The following RIMS2 variants were observed in gnomAD, a reference collection of about 807,000 sequenced individuals.
The protein encoded by RIMS2 is regulating synaptic membrane exocytosis protein 2.
RIMS2 carries 59 observed loss-of-function variants against 174.4 expected under a neutral mutation model. The ratio of observed to expected loss-of-function variants is 0.34; its 90% CI spans 0.27 to 0.42. The LOEUF (loss-of-function observed/expected upper bound fraction) is 0.42. Ranked by LOEUF, RIMS2 falls within the 10% of genes least tolerant of loss-of-function variation. The probability of loss-of-function intolerance (pLI) is 1.00; values close to 1 mark genes in which losing one functional copy is unlikely to be tolerated. For synonymous variants in RIMS2, 606 were observed against 572.5 expected, an observed-to-expected ratio of 1.06 and a Z score of -0.84; for missense variants, 1,620 against 1,666.3, an observed-to-expected ratio of 0.97 and a Z score of 0.48.
At chr8:103,669,085 A>G (rs537409902) in intron 1 of RIMS2, among the ~76,000 whole-genome samples, 1 of 152,180 alleles carries the variant, frequency 6.6e-6, no homozygotes, top group African/African-American at 2.4e-5. Flanking sequence ...GGTTTAATGG[A>G]CTCATAGTTT....
At chr8:103,704,314 G>A (rs1279695715) in intron 2 of RIMS2, among the ~76,000 whole-genome samples, 2 of 151,656 alleles carry the variant, frequency 1.3e-5, no homozygotes, top group African/African-American at 2.4e-5. Flanking sequence ...TTCCTGGGAT[G>A]ATTGTGGTGA....
rs529659256 is a variant in RIMS2 at position 104,143,713 on chromosome 8, G to A, written c.3335-101203G>A. The stretch of plus-strand genomic sequence containing the variant: ...GATGTTATGAATAGTTTCACTCCTG[G>A]AACTATCCCTGTCTACTTTCTATCC... On this transcript the variant is annotated intron_variant, in intron 19 of 23. Coordinates refer to ENST00000504942, the Ensembl canonical transcript of RIMS2. Among the ~76,000 whole-genome samples the A allele has an allele frequency of 1.3e-5, 2 of 152,200 alleles. 1 individual carries two copies. Among genetic ancestry groups the A allele is most frequent in the South Asian group, 4.1e-4 (2 of 4,824 alleles).
intron 1 of RIMS2, among the ~76,000 whole-genome samples, chr8:103,694,332 A>C (rs1013299042): frequency 6.6e-6 from 1 of 152,064 alleles, no homozygotes; most frequent in Non-Finnish European, 1.5e-5. Flanking sequence ...CTAGGGCTAC[A>C]GGGGCTGGTC....
At chr8:103,946,718 TC>T (rs1353897653) in intron 14 of RIMS2, among the ~76,000 whole-genome samples, 1 of 152,114 alleles carries the variant, frequency 6.6e-6, no homozygotes, top group East Asian at 1.9e-4. Flanking sequence ...TAAACCCAAT[TC>T]CTATCAAAAT....
intron 2 of RIMS2, among the ~76,000 whole-genome samples, chr8:103,703,214 TC>T (rs1446321723): frequency 6.6e-6 from 1 of 151,828 alleles, no homozygotes; most frequent in Non-Finnish European, 1.5e-5. Flanking sequence ...CTCTCACACT[TC>T]CGTCATTGTT....
intron 1 of RIMS2, among the ~76,000 whole-genome samples, chr8:103,565,520 G>T (rs1414748329): frequency 2.0e-5 from 3 of 152,040 alleles, no homozygotes; most frequent in African/African-American, 7.2e-5. Flanking sequence ...TGCCCAGGCT[G>T]GTCTCGAATA....
At chr8:103,847,114 C>T (rs1271937049) in intron 3 of RIMS2, among the ~76,000 whole-genome samples, 1 of 151,802 alleles carries the variant, frequency 6.6e-6, no homozygotes, top group Non-Finnish European at 1.5e-5. Context: ...TTTATGTGTC[C>T]CCTGTTGAAG....
chr8:104,094,864 T>C (rs2097729286), intron 19 of RIMS2: 5 of 552,250 alleles, frequency 9.1e-6, no homozygotes, highest in Non-Finnish European at 1.6e-5. Context: ...TACTAATTAA[T>C]ATGTTGGCAA....
chr8:103,964,037 G>A lies in RIMS2; in HGVS notation c.2770+2904G>A, dbSNP rs189788335. Among the ~76,000 whole-genome samples, 26 of 152,198 alleles carry A rather than the reference G, an allele frequency of 1.7e-4. 1 individual carries two copies. In the East Asian group the frequency reaches 4.8e-3, roughly 28 times the overall value. On this transcript the variant is annotated intron_variant, in intron 15 of 23. Coordinates refer to ENST00000504942, the Ensembl canonical transcript of RIMS2. Reference sequence around the variant, plus strand: ...TTTTAGTGCTGAATAATATTCCATTGTCTGGATATACCACAGTTTGTTTAT... The same window carrying A: ...TTTTAGTGCTGAATAATATTCCATTATCTGGATATACCACAGTTTGTTTAT...
At chr8:104,047,085 T>C (rs1430613180) in intron 19 of RIMS2, among the ~76,000 whole-genome samples, 1 of 151,954 alleles carries the variant, frequency 6.6e-6, no homozygotes, top group African/African-American at 2.4e-5. Context: ...AGAAAAGAGT[T>C]AAAGCTCTTG....
chr8:103,661,921 A>G (rs551875320), intron 1 of RIMS2, among the ~76,000 whole-genome samples: 51 of 152,160 alleles, frequency 3.4e-4, no homozygotes, highest in Non-Finnish European at 7.4e-4. Context: ...CAATTTTGAA[A>G]TTTCACTTGT....
chr8:104,190,310 A>G (rs1371631452), intron 19 of RIMS2, among the ~76,000 whole-genome samples: 1 of 151,982 alleles, frequency 6.6e-6, no homozygotes, highest in African/African-American at 2.4e-5. Context: ...TAAAAAATAT[A>G]AACTAATTAA....
chr8:103,608,623 C>T (rs2095242681), intron 1 of RIMS2, among the ~76,000 whole-genome samples: 1 of 150,830 alleles, frequency 6.6e-6, no homozygotes, highest in Non-Finnish European at 1.5e-5. Flanking sequence ...TCTCAGACTG[C>T]TGTGCTAGCA....
chr8:103,771,414 T>C (rs2098252279), intron 3 of RIMS2, among the ~76,000 whole-genome samples: 1 of 152,180 alleles, frequency 6.6e-6, no homozygotes, highest in South Asian at 2.1e-4. Flanking sequence ...ATTTTCATAG[T>C]TGCAAATTAG....
At position 103,670,673 on chromosome 8, in the gene RIMS2, A is replaced by C. The variant is rs144620541; in HGVS notation, c.177-26413A>C. ...ATGTTGCCAGTCTCTTTGCTAAAAA[A>C]TAACAAGAGTCAGCTTTGCTCCACT... On this transcript the variant is annotated intron_variant, in intron 1 of 23. Transcript: ENST00000504942. Among the ~76,000 whole-genome samples the C allele has an allele frequency of 2.8e-4, 43 of 152,330 alleles. 2 individuals are homozygous for C. In the East Asian group the frequency reaches 7.3e-3, roughly 26 times the overall value.
At chr8:103,927,119 C>T (rs55726655) in intron 10 of RIMS2, among the ~76,000 whole-genome samples, 19,145 of 151,082 alleles carry the variant, frequency 0.13, 1,683 homozygotes, top group Non-Finnish European at 0.19. Flanking sequence ...AAAAGTATAA[C>T]GAACTGTATA....
chr8:103,580,074 G>T (rs2093515233), intron 1 of RIMS2, among the ~76,000 whole-genome samples: 1 of 152,060 alleles, frequency 6.6e-6, no homozygotes, highest in South Asian at 2.1e-4. Context: ...AGATTTGGGT[G>T]GGGACACAGA....
chr8:104,195,034 A>C (rs527797852), intron 19 of RIMS2, among the ~76,000 whole-genome samples: 11 of 152,334 alleles, frequency 7.2e-5, no homozygotes, highest in Non-Finnish European at 1.3e-4. Context: ...AAGCTTTTTA[A>C]GCAAAACAGT....
intron 19 of RIMS2, among the ~76,000 whole-genome samples, chr8:104,172,046 T>C (rs866650552): frequency 3.3e-5 from 5 of 152,264 alleles, no homozygotes; most frequent in African/African-American, 4.8e-5. Flanking sequence ...TTGAAGCTTA[T>C]CTCATTTTCT....
Sources: gnomAD v4.1 joint callset for allele counts (sites outside exome capture counted in the v4.1 genomes callset) on GRCh38, gnomAD v4.1.1 for gene constraint, MANE v1.5 for transcripts, NCBI Gene and HGNC (gene_info 2026-07-23, HGNC 2026-07-21) for gene names.